Variants in SNTG1 observed in about 807,000 individuals in gnomAD.
SNTG1 encodes the protein gamma-1-syntrophin.
In SNTG1, 39 loss-of-function variants were observed where a neutral mutation model predicts 74.7. The observed-to-expected ratio is 0.52, with a 90% CI of 0.40 to 0.68. The LOEUF (loss-of-function observed/expected upper bound fraction) is 0.68, where lower values mean the gene tolerates loss of function less well. Among genes scored for constraint, SNTG1 ranks in the 30% least tolerant of loss-of-function variants. The pLI, the probability that SNTG1 is intolerant of heterozygous loss-of-function variation, is 0.00. For synonymous variants in SNTG1, 254 were observed against 217.1 expected (o/e 1.17, Z -1.49); for missense variants, 685 against 609.5 (o/e 1.12, Z -1.30).
At chr8:49,961,430 C>A (rs1810674548) in intron 1 of SNTG1, among the ~76,000 whole-genome samples, 2 of 152,146 alleles carry the variant, frequency 1.3e-5, no homozygotes, top group South Asian at 2.1e-4. Context: ...ACTTGGATGC[C>A]TGTTGGAGCC....
At chr8:50,029,547 T>C (rs1350843782) in intron 1 of SNTG1, among the ~76,000 whole-genome samples, 2 of 152,150 alleles carry the variant, frequency 1.3e-5, no homozygotes, top group East Asian at 1.9e-4. Context: ...ATTCTTTATG[T>C]TCATGAGTTC....
At chr8:50,421,050 G>GC (rs2093077847) in intron 4 of SNTG1, among the ~76,000 whole-genome samples, 4 of 57,902 alleles carry the variant, frequency 6.9e-5, no homozygotes, top group African/African-American at 2.5e-4. Flanking sequence ...GGTGGGCGGG[G>GC]GAGGGGGGGG....
At chr8:50,253,052 CAG>C (rs945587282) in intron 2 of SNTG1, among the ~76,000 whole-genome samples, 1 of 152,106 alleles carries the variant, frequency 6.6e-6, no homozygotes, top group African/African-American at 2.4e-5. Flanking sequence ...GATGTAGAGA[CAG>C]GGGAACATTT....
At chr8:49,924,195 ATAAG>A (rs1806813450) in intron 1 of SNTG1, among the ~76,000 whole-genome samples, 1 of 152,210 alleles carries the variant, frequency 6.6e-6, no homozygotes, top group African/African-American at 2.4e-5. Context: ...GAATTATAAA[ATAAG>A]TTTCACCGGT....
At position 49,911,654 on chromosome 8, in the gene SNTG1, G is replaced by A. The variant is rs1384283913; in HGVS notation, c.-680G>A. On this transcript the variant is annotated 5_prime_UTR_variant, in exon 1 of 19. It adds an upstream start codon to the 5' untranslated region. Coordinates refer to ENST00000642720, the MANE Select transcript of SNTG1 (RefSeq NM_018967.5). ...TGCTTGGATTCGCTGGTGGAGGAAA[G>A]TGCGACCTGGACCTGCGCTTAGGGG... 6.6e-6 allele frequency: 1 copy of A among 152,130 alleles called. No homozygotes were observed. Among genetic ancestry groups the A allele is most frequent in the Non-Finnish European group, 1.5e-5 (1 of 68,100 alleles). The allele number at this position is 152,130 out of a possible 1,614,324, so 9.4% of individuals were successfully genotyped here. A position where few individuals can be genotyped will look rare whatever the true frequency, so the allele number is the denominator to read the frequency against.
At chr8:49,999,202 A>G (rs117084551) in intron 1 of SNTG1, among the ~76,000 whole-genome samples, 1 of 152,114 alleles carries the variant, frequency 6.6e-6, no homozygotes, top group Non-Finnish European at 1.5e-5. Context: ...CTAATACTTG[A>G]TTTTTCCTCT....
intron 1 of SNTG1, among the ~76,000 whole-genome samples, chr8:50,072,217 C>T (rs1487770004): frequency 6.6e-6 from 1 of 152,122 alleles, no homozygotes; most frequent in African/African-American, 2.4e-5. Context: ...TGATGGTTCA[C>T]TGTGATAGCT....
rs1808540880 is a variant in SNTG1 at position 49,940,028 on chromosome 8, T to C, written c.-103+27797T>C. 2.0e-5 allele frequency among the ~76,000 whole-genome samples: 3 copies of C among 152,236 alleles called. 1 individual carries two copies. Among genetic ancestry groups the C allele is most frequent in the Non-Finnish European group, 4.4e-5 (3 of 68,036 alleles). ...TATTTGAATTCGACATAGCATGAGATGATTTCTTGGCTTCTGGGAGTTGAC... is the reference window on the plus strand; with the variant it reads ...TATTTGAATTCGACATAGCATGAGACGATTTCTTGGCTTCTGGGAGTTGAC... On this transcript the variant is annotated intron_variant, in intron 1 of 18. Coordinates refer to ENST00000642720, the MANE Select transcript of SNTG1 (RefSeq NM_018967.5).
chr8:50,636,936 T>C (rs1330591395), intron 13 of SNTG1, among the ~76,000 whole-genome samples: 1 of 152,176 alleles, frequency 6.6e-6, no homozygotes, highest in African/African-American at 2.4e-5. Context: ...ACAGGTGTTC[T>C]TGATTGGCAG....
chr8:49,921,090 C>T (rs190734359), intron 1 of SNTG1, among the ~76,000 whole-genome samples: 16 of 152,104 alleles, frequency 1.1e-4, no homozygotes, highest in Non-Finnish European at 2.1e-4. Context: ...AAAACCTGAC[C>T]TATCTAACTC....
Position 50,552,295 on chromosome 8 carries a change from T to G in SNTG1, c.681-755T>G, listed in dbSNP as rs144382188. Among the ~76,000 whole-genome samples the G allele has an allele frequency of 5.4e-3, 824 of 152,324 alleles. 7 individuals carry two copies. Among genetic ancestry groups the G allele is most frequent in the African/African-American group, 0.018 (769 of 41,574 alleles). Reference sequence around the variant, plus strand: ...AAGTAAGGAAGTCATTGAAGCTATATGAAACACTTTTAAATTCAATAGCAC... The same window carrying G: ...AAGTAAGGAAGTCATTGAAGCTATAGGAAACACTTTTAAATTCAATAGCAC... On this transcript the variant is annotated intron_variant, in intron 11 of 18. Transcript: ENST00000642720.
intron 18 of SNTG1, among the ~76,000 whole-genome samples, chr8:50,791,879 CT>C (rs1345538233): frequency 6.6e-6 from 1 of 151,704 alleles, no homozygotes; most frequent in East Asian, 1.9e-4. Flanking sequence ...GCAACATCAT[CT>C]TTCTAAATGT....
intron 5 of SNTG1, among the ~76,000 whole-genome samples, chr8:50,444,115 G>T (rs1201832711): frequency 6.6e-6 from 1 of 152,100 alleles, no homozygotes; most frequent in Non-Finnish European, 1.5e-5. Context: ...TCCAGCCTGG[G>T]TGACACAGTG....
intron 2 of SNTG1, among the ~76,000 whole-genome samples, chr8:50,265,708 T>C (rs956066259): frequency 6.6e-6 from 1 of 152,002 alleles, no homozygotes; most frequent in Non-Finnish European, 1.5e-5. Flanking sequence ...CATGATATTA[T>C]AGGTAGAAAA....
Position 50,767,409 on chromosome 8 carries a change from A to G in SNTG1, c.1395+15298A>G, listed in dbSNP as rs577930091. Among the ~76,000 whole-genome samples, 25 of 152,090 alleles carry G rather than the reference A, an allele frequency of 1.6e-4. No individual in the cohort carries two copies. The South Asian group carries it at 2.7e-3, about 16-fold the overall frequency. On this transcript the variant is annotated intron_variant, in intron 18 of 18. Transcript: ENST00000642720. The stretch of plus-strand genomic sequence containing the variant: ...TTTTTGCTGTTGTTGTTGTTGATCT[A>G]TATAAGACTAATGTCATAATACAAA...
intron 2 of SNTG1, among the ~76,000 whole-genome samples, chr8:50,274,565 G>C (rs983461961): frequency 1.3e-5 from 2 of 152,042 alleles, no homozygotes; most frequent in East Asian, 3.9e-4. Context: ...TATTGCATTA[G>C]ATGAGACTTC....
At chr8:50,154,129 C>A (rs1160960394) in intron 1 of SNTG1, among the ~76,000 whole-genome samples, 4 of 152,166 alleles carry the variant, frequency 2.6e-5, no homozygotes, top group Non-Finnish European at 5.9e-5. Flanking sequence ...AGCCTCGCTG[C>A]TGCCTTGCAC....
intron 1 of SNTG1, among the ~76,000 whole-genome samples, chr8:49,920,712 C>A (rs1419753958): frequency 1.3e-5 from 2 of 151,984 alleles, no homozygotes; most frequent in African/African-American, 4.8e-5. Flanking sequence ...TTTTGGACAG[C>A]ATAATCACAT....
chr8:50,478,779 T>C (rs535157886), intron 8 of SNTG1, among the ~76,000 whole-genome samples: 24 of 152,292 alleles, frequency 1.6e-4, no homozygotes, highest in African/African-American at 5.8e-4. Context: ...TGGGTACATA[T>C]GGTCAGATAC....
Sources: gnomAD v4.1 joint callset for allele counts (sites outside exome capture counted in the v4.1 genomes callset) on GRCh38, gnomAD v4.1.1 for gene constraint, MANE v1.5 for transcripts, NCBI Gene and HGNC (gene_info 2026-07-23, HGNC 2026-07-21) for gene names.